MEF2C: variants seen among roughly 807,000 people sequenced by gnomAD.
MEF2C encodes myocyte-specific enhancer factor 2C.
Under a neutral mutation model 50.5 loss-of-function variants are expected in MEF2C, and 6 were observed. The observed-to-expected ratio is 0.12, with a 90% confidence interval of 0.07 to 0.23. The LOEUF is 0.23. MEF2C is among the 10% of genes least tolerant of loss of function. The pLI is 1.00. For missense variants in MEF2C, 276 were observed against 605.0 expected (o/e 0.46, Z 5.70); for synonymous variants, 183 against 228.0 (o/e 0.80, Z 1.78).
intron 1 of MEF2C, chr5:88,843,380 CA>C: frequency 1.0e-6 from 1 of 985,020 alleles, no homozygotes; most frequent in East Asian, 1.1e-4. Context: ...GGTGAACCAA[CA>C]AATTGTTGAA....
At chr5:88,837,610 TATGC>T (rs1237777996) in intron 1 of MEF2C, among the ~76,000 whole-genome samples, 1 of 152,120 alleles carries the variant, frequency 6.6e-6, no homozygotes, top group African/African-American at 2.4e-5. Context: ...TCCTAAATGG[TATGC>T]ATTCAATAAA....
At chr5:88,829,415 T>C (rs780715190) in intron 1 of MEF2C, among the ~76,000 whole-genome samples, 17 of 151,996 alleles carry the variant, frequency 1.1e-4, no homozygotes, top group Non-Finnish European at 2.4e-4. Flanking sequence ...TGAAACTGTA[T>C]GTTTGCTTGT....
chr5:88,726,252 T>C (rs941385366), intron 10 of MEF2C, among the ~76,000 whole-genome samples: 3 of 152,156 alleles, frequency 2.0e-5, no homozygotes, highest in African/African-American at 7.2e-5. Context: ...CTATGAACAT[T>C]GTCTCTAGCC....
At chr5:88,876,308 G>A (rs1831063678) in intron 1 of MEF2C, among the ~76,000 whole-genome samples, 2 of 151,942 alleles carry the variant, frequency 1.3e-5, no homozygotes, top group African/African-American at 2.4e-5. Flanking sequence ...AGAGATCTTT[G>A]ACTGCAATTA....
In MEF2C at chr5:88,737,717, G is replaced by A. The variant is rs1378899736; in HGVS notation, c.638-5816C>T. On this transcript the variant is annotated intron_variant, in intron 6 of 10. Coordinates refer to ENST00000504921, the MANE Select transcript of MEF2C (RefSeq NM_002397.5). Reference sequence around the variant, plus strand: ...GACAGAGAGATCTCAGAGTTTAGAAGGAGGGGCATTCCTCTGAAGATGAAA... The same window carrying A: ...GACAGAGAGATCTCAGAGTTTAGAAAGAGGGGCATTCCTCTGAAGATGAAA... The A allele has an allele frequency of 5.1e-6, 5 of 985,240 alleles. No homozygotes were observed. The African/African-American group carries it at 5.2e-5, about 10-fold the overall frequency. 61.0% of individuals were successfully genotyped at this position (985,240 alleles called of 1,614,324 possible). A position where few individuals can be genotyped will look rare whatever the true frequency, so the allele number is the denominator to read the frequency against.
At position 88,725,535 on chromosome 5, in the gene MEF2C, T is replaced by C. The variant is rs116039899; in HGVS notation, c.1101-2610A>G. On this transcript the variant is annotated intron_variant, in intron 10 of 10. Coordinates refer to ENST00000504921, the MANE Select transcript of MEF2C (RefSeq NM_002397.5). ...CACGAATAATTATAGACCCTGATAA[T>C]TGTGAAATACTGCATATGTGTGGGT... 6.0e-3 allele frequency among the ~76,000 whole-genome samples: 920 copies of C among 152,176 alleles called. 11 individuals are homozygous for C. Among genetic ancestry groups the C allele is most frequent in the African/African-American group, 0.02 (840 of 41,554 alleles).
chr5:88,811,563 A>T (rs1488180598), intron 2 of MEF2C, among the ~76,000 whole-genome samples: 1 of 152,164 alleles, frequency 6.6e-6, no homozygotes, highest in East Asian at 1.9e-4. Context: ...AGCAAATGGC[A>T]ATATGGTTCA....
intron 1 of MEF2C, among the ~76,000 whole-genome samples, chr5:88,877,158 T>C (rs768712685): frequency 6.6e-6 from 1 of 152,060 alleles, no homozygotes; most frequent in Admixed American, 6.6e-5. Context: ...GAGTAATGAT[T>C]CCTGAAGAAA....
At chr5:88,734,562 TTTG>T (rs1258803382) in intron 6 of MEF2C, 275 of 503,168 alleles carry the variant, frequency 5.5e-4, no homozygotes, top group African/African-American at 1.6e-3. Flanking sequence ...TTGAGAAAAG[TTTG>T]TTTTTTTTTT....
intron 10 of MEF2C, among the ~76,000 whole-genome samples, chr5:88,725,674 A>T (rs1392972310): frequency 6.6e-6 from 1 of 152,068 alleles, no homozygotes; most frequent in Non-Finnish European, 1.5e-5. Flanking sequence ...GAAAACTCCT[A>T]CCCTTTCCCA....
At chr5:88,849,974 T>C (rs1820698556) in intron 1 of MEF2C, among the ~76,000 whole-genome samples, 1 of 152,192 alleles carries the variant, frequency 6.6e-6, no homozygotes, top group Non-Finnish European at 1.5e-5. Flanking sequence ...TTAGGGTACA[T>C]GTGCACAACT....
intron 2 of MEF2C, among the ~76,000 whole-genome samples, chr5:88,810,916 C>G (rs751420719): frequency 6.6e-6 from 1 of 151,974 alleles, no homozygotes; most frequent in Non-Finnish European, 1.5e-5. Flanking sequence ...GGGTCACAAT[C>G]AAGATGAATC....
intron 3 of MEF2C, among the ~76,000 whole-genome samples, chr5:88,798,848 T>C (rs1171034575): frequency 6.6e-6 from 1 of 152,232 alleles, no homozygotes; most frequent in African/African-American, 2.4e-5. Flanking sequence ...TTTTTGTTGA[T>C]GTTGATGCTA....
Position 88,752,099 on chromosome 5 carries a change from C to T in MEF2C, c.403-56G>A, listed in dbSNP as rs1561825159. 4.8e-6 allele frequency: 7 copies of T among 1,462,602 alleles called. No individual in the cohort carries two copies. The East Asian group carries it at 1.6e-4, about 34-fold the overall frequency. 90.6% of individuals were successfully genotyped at this position (1,462,602 alleles called of 1,614,324 possible). ...AAGAAAAGAATTAATAACAGAAGCT[C>T]TTCAAGACAGACAGCCCTTATTTTT... On this transcript the variant is annotated intron_variant, in intron 4 of 10. Coordinates refer to ENST00000504921, the MANE Select transcript of MEF2C (RefSeq NM_002397.5).
chr5:88,754,355 G>C (rs768111012), intron 4 of MEF2C, among the ~76,000 whole-genome samples: 28 of 152,194 alleles, frequency 1.8e-4, no homozygotes, highest in African/African-American at 6.8e-4. Flanking sequence ...TCTAGAGATA[G>C]GAACAGCTTC....
intron 2 of MEF2C, among the ~76,000 whole-genome samples, chr5:88,822,795 C>T (rs902791267): frequency 6.6e-6 from 1 of 151,850 alleles, no homozygotes; most frequent in Non-Finnish European, 1.5e-5. Context: ...TCAGTGTAAC[C>T]GAAAAGTAGG....
chr5:88,783,450 G>A (rs1789207245), intron 3 of MEF2C, among the ~76,000 whole-genome samples: 1 of 152,050 alleles, frequency 6.6e-6, no homozygotes, highest in Admixed American at 6.6e-5. Flanking sequence ...CCAACATGGA[G>A]AAACCCTGTC....
intron 1 of MEF2C, among the ~76,000 whole-genome samples, chr5:88,850,136 G>C (rs918930918): frequency 2.0e-5 from 3 of 149,968 alleles, no homozygotes; most frequent in Admixed American, 6.7e-5. Context: ...CTTCCTGTGT[G>C]CATGTGCTTT....
intron 3 of MEF2C, among the ~76,000 whole-genome samples, chr5:88,788,199 T>TTTAA (rs369379315): frequency 0.096 from 14,561 of 151,154 alleles, 799 homozygotes; most frequent in East Asian, 0.22. Context: ...TATTTATTTA[T>TTTAA]TTATTTATTT....
Sources: allele counts gnomAD v4.1 joint callset (sites outside exome capture counted in the v4.1 genomes callset), GRCh38; gene constraint gnomAD v4.1.1; transcripts MANE v1.5; gene names NCBI Gene and HGNC (gene_info 2026-07-23, HGNC 2026-07-21).